Variants in RAB10 observed in about 807,000 individuals in gnomAD.
RAB10 encodes the protein ras-related protein Rab-10.
Under a neutral mutation model 25.7 loss-of-function variants are expected in RAB10, and 5 were observed. That is an observed-to-expected ratio of 0.19 (90% confidence interval 0.10 to 0.41). The LOEUF is 0.41. Among genes scored for constraint, RAB10 ranks in the 10% least tolerant of loss-of-function variants. The pLI, the probability that RAB10 is intolerant of heterozygous loss-of-function variation, is 1.00. For missense variants in RAB10, 103 were observed against 245.8 expected (o/e 0.42, Z 3.89); for synonymous variants, 89 against 86.4 (o/e 1.03, Z -0.16).
At chr2:26,120,683 G>A (rs1325881490) in intron 3 of RAB10, among the ~76,000 whole-genome samples, 1 of 151,354 alleles carries the variant, frequency 6.6e-6, no homozygotes, top group Non-Finnish European at 1.5e-5. Flanking sequence ...TCTACCTCCC[G>A]GGTTCACACC....
chr2:26,034,729 A>G lies in RAB10; in HGVS notation c.121A>G (p.Thr41Ala). Residue 41 changes from threonine to alanine, a missense_variant, in exon 1 of 6, where the codon ACC (threonine) becomes GCC (alanine). By Grantham distance (58) the Thr-to-Ala change is moderately conservative. Coordinates refer to ENST00000264710, the MANE Select transcript of RAB10 (RefSeq NM_016131.5). ...TGCCTTCAATACTACCTTTATTTCC[A>G]CCATAGGTAAGACCTGTGGGAGGAC... is the stretch of plus-strand genomic sequence containing the variant. ...DDAFNTTFIS[T>A]IGIDFKIKTV... 1 of 1,613,262 alleles carries G rather than the reference A, an allele frequency of 6.2e-7. No homozygotes were observed. The highest frequency in any genetic ancestry group is 8.5e-7 in the Non-Finnish European group (1 of 1,179,742).
intron 1 of RAB10, among the ~76,000 whole-genome samples, chr2:26,073,497 A>T (rs961513756): frequency 1.3e-5 from 2 of 152,186 alleles, no homozygotes; most frequent in African/African-American, 2.4e-5. Flanking sequence ...TGTCACCAGG[A>T]TCAGATGGAT....
intron 1 of RAB10, among the ~76,000 whole-genome samples, chr2:26,049,297 G>A (rs949677397): frequency 6.6e-6 from 1 of 150,744 alleles, no homozygotes; most frequent in Non-Finnish European, 1.5e-5. Flanking sequence ...ATCAGATGAT[G>A]TAGGAGTTCT....
At chr2:26,044,922 A>T (rs895035613) in intron 1 of RAB10, among the ~76,000 whole-genome samples, 23 of 151,936 alleles carry the variant, frequency 1.5e-4, no homozygotes, top group African/African-American at 5.6e-4. Flanking sequence ...TTGTTATGTT[A>T]AAAAAAATCA....
chr2:26,135,031 T>A lies in RAB10; in HGVS notation c.*10T>A, dbSNP rs772775405. 1.3e-5 allele frequency: 21 copies of A among 1,604,942 alleles called. No homozygotes were observed. Among genetic ancestry groups the A allele is most frequent in the Non-Finnish European group, 1.8e-5 (21 of 1,172,758 alleles). ...GAGCAAATGCTGCTGAGCATTCTCC[T>A]GTTCCATCAGTTGCCATCCACTACC... On this transcript the variant is annotated 3_prime_UTR_variant, in exon 6 of 6. Coordinates refer to ENST00000264710, the MANE Select transcript of RAB10 (RefSeq NM_016131.5).
chr2:26,048,037 G>GTTTTTTTTTTTTTTTTTT (rs61183627), intron 1 of RAB10, among the ~76,000 whole-genome samples: 1 of 134,682 alleles, frequency 7.4e-6, no homozygotes. Context: ...GGGCCCATTA[G>GTTTTTTTTTTTTTTTTTT]TTTTTTTTTT....
intron 1 of RAB10, among the ~76,000 whole-genome samples, chr2:26,059,753 G>A (rs900872843): frequency 1.3e-5 from 2 of 152,144 alleles, no homozygotes; most frequent in African/African-American, 4.8e-5. Context: ...ATCAGGAGCT[G>A]GGGGAGGGAA....
intron 5 of RAB10, among the ~76,000 whole-genome samples, chr2:26,134,146 T>C (rs1038081946): frequency 3.3e-5 from 5 of 151,946 alleles, no homozygotes; most frequent in Non-Finnish European, 5.9e-5. Flanking sequence ...CTTACTCTCT[T>C]GGTCTGTTGC....
chr2:26,100,145 A>G (rs1235875336), intron 2 of RAB10, among the ~76,000 whole-genome samples: 2 of 152,142 alleles, frequency 1.3e-5, no homozygotes, highest in African/African-American at 2.4e-5. Context: ...TGGTGACATT[A>G]TTTTTAGGTT....
chr2:26,079,364 A>G (rs977380902), intron 1 of RAB10, among the ~76,000 whole-genome samples: 9 of 151,232 alleles, frequency 6.0e-5, no homozygotes, highest in Non-Finnish European at 8.8e-5. Flanking sequence ...CTATATACAC[A>G]TACTAGGATT....
At chr2:26,093,139 A>G (rs116344908) in intron 1 of RAB10, among the ~76,000 whole-genome samples, 9 of 152,272 alleles carry the variant, frequency 5.9e-5, no homozygotes, top group African/African-American at 1.9e-4. Flanking sequence ...GATGCAGAGT[A>G]GAGCTAAGGT....
At chr2:26,133,696 T>G (rs1454549533) in intron 5 of RAB10, among the ~76,000 whole-genome samples, 1 of 152,160 alleles carries the variant, frequency 6.6e-6, no homozygotes, top group African/African-American at 2.4e-5. Context: ...TTTTTTGAGA[T>G]GGAGTCTCAC....
Position 26,034,141 on chromosome 2 carries a change from G to C in RAB10, c.-468G>C, listed in dbSNP as rs894965029. The C allele has an allele frequency of 1.2e-5, 5 of 406,396 alleles. No homozygotes were observed. The highest frequency in any genetic ancestry group is 1.1e-4 in the South Asian group (1 of 9,194). The allele number at this position is 406,396 out of a possible 1,614,324, so 25.2% of individuals were successfully genotyped here. A position where few individuals can be genotyped will look rare whatever the true frequency, so the allele number is the denominator to read the frequency against. ...GCACGGGGAAAAGGTGGCTCTGGCC[G>C]GGGTGGCTCGGTTTCCTGGGGCTAT... is the stretch of plus-strand genomic sequence containing the variant. On this transcript the variant is annotated 5_prime_UTR_variant, in exon 1 of 6. Coordinates refer to ENST00000264710, the MANE Select transcript of RAB10 (RefSeq NM_016131.5).
intron 1 of RAB10, chr2:26,042,537 T>C (rs1357646061): frequency 6.6e-6 from 1 of 152,110 alleles, no homozygotes; most frequent in Non-Finnish European, 1.5e-5. Context: ...TCCCAGCTAC[T>C]CAGGAGGCTG....
At position 26,137,367 on chromosome 2, in the gene RAB10, G is replaced by T. The variant is rs1222024091; in HGVS notation, c.*2346G>T. ...TTCTCTGGTACTAGCTACAAATTCG[G>T]TTTCATATTCTACTTAACAATTTAA... is the stretch of plus-strand genomic sequence containing the variant. On this transcript the variant is annotated 3_prime_UTR_variant, in exon 6 of 6. Coordinates refer to ENST00000264710, the MANE Select transcript of RAB10 (RefSeq NM_016131.5). 6.6e-6 allele frequency: 1 copy of T among 152,534 alleles called. No homozygotes were observed. Among genetic ancestry groups the T allele is most frequent in the African/African-American group, 2.4e-5 (1 of 41,402 alleles). 9.4% of individuals were successfully genotyped at this position (152,534 alleles called of 1,614,324 possible).
chr2:26,040,068 A>T (rs1039653317), intron 1 of RAB10, among the ~76,000 whole-genome samples: 1 of 152,210 alleles, frequency 6.6e-6, no homozygotes, highest in Non-Finnish European at 1.5e-5. Context: ...TAAAGTAGCC[A>T]GTTGGTCAAC....
intron 1 of RAB10, among the ~76,000 whole-genome samples, chr2:26,048,859 A>T (rs535671234): frequency 6.6e-6 from 1 of 152,278 alleles, no homozygotes; most frequent in East Asian, 1.9e-4. Context: ...GTGAGACTCT[A>T]TCTCAATACA....
chr2:26,072,075 C>T lies in RAB10; in HGVS notation c.128-26587C>T, dbSNP rs75989318. On this transcript the variant is annotated intron_variant, in intron 1 of 5. Transcript: ENST00000264710. Reference sequence around the variant, plus strand: ...ACCAATACATGCTGTTATAAAATTGCGCAGATAAAAAGACCTATTCAGAGT... The same window carrying T: ...ACCAATACATGCTGTTATAAAATTGTGCAGATAAAAAGACCTATTCAGAGT... 8.0e-5 allele frequency among the ~76,000 whole-genome samples: 11 copies of T among 136,660 alleles called. No individual in the cohort carries two copies. In the East Asian group the frequency reaches 1.1e-3, roughly 14 times the overall value. The allele number at this position is 136,660 out of a possible 152,430, so 89.7% of individuals were successfully genotyped here.
chr2:26,097,202 C>G (rs1004037396), intron 1 of RAB10, among the ~76,000 whole-genome samples: 1 of 152,110 alleles, frequency 6.6e-6, no homozygotes, highest in Non-Finnish European at 1.5e-5. Context: ...GGTGACAGAG[C>G]AAGACCTTGT....
Sources: gnomAD v4.1 joint callset for allele counts (sites outside exome capture counted in the v4.1 genomes callset) on GRCh38, gnomAD v4.1.1 for gene constraint, MANE v1.5 for transcripts, NCBI Gene and HGNC (gene_info 2026-07-23, HGNC 2026-07-21) for gene names.